The following OPCML variants were observed in gnomAD, a reference collection of about 807,000 sequenced individuals.
The protein encoded by OPCML is opioid-binding protein/cell adhesion molecule.
Under a neutral mutation model 37.8 loss-of-function variants are expected in OPCML, and 13 were observed. That is an observed-to-expected ratio of 0.34 (90% CI 0.22 to 0.55). OPCML has a LOEUF of 0.55. Among genes scored for constraint, OPCML ranks in the 20% least tolerant of loss-of-function variants. The probability of loss-of-function intolerance (pLI) is 0.91; values close to 1 mark genes in which losing one functional copy is unlikely to be tolerated. For synonymous variants in OPCML, 176 were observed against 168.8 expected (o/e 1.04, Z -0.33); for missense variants, 341 against 435.6 (o/e 0.78, Z 1.93).
chr11:132,948,180 GAC>G (rs1945786623), intron 1 of OPCML, among the ~76,000 whole-genome samples: 1 of 152,198 alleles, frequency 6.6e-6, no homozygotes, highest in East Asian at 1.9e-4. Flanking sequence ...ACACAGAGAC[GAC>G]TGCCTTGAAA....
chr11:133,082,853 C>CG (rs910034732), intron 1 of OPCML, among the ~76,000 whole-genome samples: 1 of 149,444 alleles, frequency 6.7e-6, no homozygotes, highest in African/African-American at 2.4e-5. Context: ...TGCAGGGTGC[C>CG]GGGGGCCCCT....
chr11:132,845,999 C>T (rs879835908), intron 2 of OPCML, among the ~76,000 whole-genome samples: 4 of 152,130 alleles, frequency 2.6e-5, no homozygotes, highest in South Asian at 2.1e-4. Flanking sequence ...TGCTTCAGAA[C>T]GCTGAGAGCA....
At chr11:133,386,363 A>G (rs1043338852) in intron 1 of OPCML, among the ~76,000 whole-genome samples, 2 of 152,246 alleles carry the variant, frequency 1.3e-5, no homozygotes, top group African/African-American at 2.4e-5. Flanking sequence ...TCCTCTTTCA[A>G]GAGCCGTTTG....
chr11:133,084,903 T>C (rs1379965954), intron 1 of OPCML, among the ~76,000 whole-genome samples: 1 of 152,144 alleles, frequency 6.6e-6, no homozygotes. Flanking sequence ...AATACTGACA[T>C]CAAAAGCCTC....
chr11:132,890,699 A>T (rs536581626), intron 2 of OPCML, among the ~76,000 whole-genome samples: 119 of 145,200 alleles, frequency 8.2e-4, no homozygotes, highest in African/African-American at 2.7e-3. Flanking sequence ...AAAAAAAAAT[A>T]CAAAAAAATT....
intron 4 of OPCML, among the ~76,000 whole-genome samples, chr11:132,481,857 T>C (rs1161171501): frequency 6.7e-6 from 1 of 149,594 alleles, no homozygotes; most frequent in Non-Finnish European, 1.5e-5. Context: ...AATAAAGATG[T>C]TCTTTGAAAC....
At chr11:132,576,275 C>A (rs1374145782) in intron 3 of OPCML, among the ~76,000 whole-genome samples, 1 of 151,784 alleles carries the variant, frequency 6.6e-6, no homozygotes, top group African/African-American at 2.4e-5. Context: ...TTCTTTAACA[C>A]CCATAATGCA....
intron 1 of OPCML, among the ~76,000 whole-genome samples, chr11:133,289,912 T>G (rs542961234): frequency 2.3e-4 from 35 of 152,264 alleles, no homozygotes; most frequent in African/African-American, 7.7e-4. Flanking sequence ...TAACGTCCAT[T>G]TCCCCCCTGG....
intron 3 of OPCML, among the ~76,000 whole-genome samples, chr11:132,653,355 C>T (rs541524688): frequency 4.6e-5 from 7 of 152,154 alleles, no homozygotes; most frequent in South Asian, 2.1e-4. Context: ...CACTGCTTAG[C>T]GGGGATGGGA....
At chr11:132,613,532 G>A (rs1938796571) in intron 3 of OPCML, among the ~76,000 whole-genome samples, 1 of 152,158 alleles carries the variant, frequency 6.6e-6, no homozygotes, top group Admixed American at 6.5e-5. Context: ...CATTGGAACT[G>A]TCCCAAGAAA....
chr11:132,801,187 C>T (rs1938627295), intron 2 of OPCML, among the ~76,000 whole-genome samples: 1 of 152,148 alleles, frequency 6.6e-6, no homozygotes, highest in Admixed American at 6.5e-5. Flanking sequence ...TACAGTTATT[C>T]ATTATAGTTT....
intron 1 of OPCML, among the ~76,000 whole-genome samples, chr11:133,144,092 T>A (rs949573664): frequency 6.6e-6 from 1 of 152,212 alleles, no homozygotes; most frequent in South Asian, 2.1e-4. Flanking sequence ...GAGAGGACGT[T>A]GAAGGGAGCT....
intron 2 of OPCML, among the ~76,000 whole-genome samples, chr11:132,734,067 T>C (rs1945172950): frequency 6.6e-6 from 1 of 152,198 alleles, no homozygotes; most frequent in African/African-American, 2.4e-5. Flanking sequence ...TCTCAGAGTG[T>C]TTTTATGAAG....
At chr11:133,150,139 T>A (rs1325758295) in intron 1 of OPCML, among the ~76,000 whole-genome samples, 2 of 152,250 alleles carry the variant, frequency 1.3e-5, no homozygotes, top group East Asian at 1.9e-4. Flanking sequence ...TTGGGAAACA[T>A]GTTTTCTGTG....
chr11:132,937,586 CGTGTGTGGGGTGTGTGT>C (rs1283612887), intron 2 of OPCML, among the ~76,000 whole-genome samples: 7 of 99,576 alleles, frequency 7.0e-5, no homozygotes, highest in Admixed American at 1.0e-4. Flanking sequence ...GTGTGTGTGG[CGTGTGTGGGGTGTGTGT>C]GTGTGTGTGT....
At chr11:132,947,890 T>C (rs1945780515) in intron 1 of OPCML, among the ~76,000 whole-genome samples, 1 of 152,220 alleles carries the variant, frequency 6.6e-6, no homozygotes, top group South Asian at 2.1e-4. Flanking sequence ...GCATTATACC[T>C]ACTGTTGAGT....
At chr11:132,877,781 C>T (rs1943075328) in intron 2 of OPCML, among the ~76,000 whole-genome samples, 1 of 152,164 alleles carries the variant, frequency 6.6e-6, no homozygotes, top group Non-Finnish European at 1.5e-5. Flanking sequence ...AACAGCTTTT[C>T]CTCAAACAGA....
At chr11:132,964,347 T>A (rs1946165179) in intron 1 of OPCML, among the ~76,000 whole-genome samples, 1 of 152,216 alleles carries the variant, frequency 6.6e-6, no homozygotes, top group Non-Finnish European at 1.5e-5. Context: ...GTAACAGATG[T>A]TAGCATGACA....
chr11:132,737,035 G>T (rs1280751750), intron 2 of OPCML, among the ~76,000 whole-genome samples: 1 of 152,204 alleles, frequency 6.6e-6, no homozygotes, highest in Non-Finnish European at 1.5e-5. Context: ...CCTTGGAGAT[G>T]AAGAGAACAT....
Sources: gnomAD v4.1 joint callset for allele counts (sites outside exome capture counted in the v4.1 genomes callset) on GRCh38, gnomAD v4.1.1 for gene constraint, MANE v1.5 for transcripts, NCBI Gene and HGNC (gene_info 2026-07-23, HGNC 2026-07-21) for gene names.